The following RUFY3 variants were observed in gnomAD, a reference collection of about 807,000 sequenced individuals.
RUFY3 encodes the protein RUN and FYVE domain containing 3.
In RUFY3, 34 loss-of-function variants were observed where a neutral mutation model predicts 84.0. The ratio of observed to expected loss-of-function variants is 0.40; its 90% CI spans 0.31 to 0.54. RUFY3 has a LOEUF of 0.54. Ranked by LOEUF, RUFY3 falls within the 20% of genes least tolerant of loss-of-function variation. The pLI is 0.39. For missense variants in RUFY3, 507 were observed against 736.8 expected, an observed-to-expected ratio of 0.69 and a Z score of 3.61; for synonymous variants, 242 against 252.9, an observed-to-expected ratio of 0.96 and a Z score of 0.41.
intron 10 of RUFY3, among the ~76,000 whole-genome samples, chr4:70,788,455 T>C (rs906597188): frequency 2.0e-5 from 3 of 152,150 alleles, no homozygotes; most frequent in African/African-American, 7.2e-5. Flanking sequence ...TGCTGACTGC[T>C]GTAACCCTGT....
At chr4:70,750,074 C>T (rs1219552907) in intron 1 of RUFY3, among the ~76,000 whole-genome samples, 1 of 151,776 alleles carries the variant, frequency 6.6e-6, no homozygotes, top group Non-Finnish European at 1.5e-5. Flanking sequence ...GATCATAGCT[C>T]TCGTAGCTCT....
rs145386345 is a variant in RUFY3, at chr4:70,714,122, G to T, written c.358+8828G>T. On this transcript the variant is annotated intron_variant, in intron 1 of 11. Coordinates refer to the RUFY3 transcript ENST00000417478. The stretch of plus-strand genomic sequence containing the variant: ...AGAAGTAACTTGCCAAGGTTACTCA[G>T]CAGCTAGGTGGTGGACCTAGGATTC... Among the ~76,000 whole-genome samples the T allele has an allele frequency of 4.0e-3, 606 of 152,226 alleles. 4 individuals are homozygous for T. Among genetic ancestry groups the T allele is most frequent in the African/African-American group, 0.012 (502 of 41,540 alleles).
At chr4:70,796,934 T>C (rs1731591456) in intron 14 of RUFY3, among the ~76,000 whole-genome samples, 1 of 146,976 alleles carries the variant, frequency 6.8e-6, no homozygotes, top group Non-Finnish European at 1.5e-5. Flanking sequence ...CTTTTTTCTT[T>C]TCTTTTCTTT....
At chr4:70,793,686 C>G in intron 12 of RUFY3, 99 bp from the exon 13 acceptor site, 3 of 1,597,492 alleles carry the variant, frequency 1.9e-6, no homozygotes, top group Non-Finnish European at 2.6e-6. Context: ...TCTCTCTGTG[C>G]ATTCTTCCTT....
At chr4:70,707,739 T>G (rs576201264) in intron 1 of RUFY3, among the ~76,000 whole-genome samples, 42 of 151,768 alleles carry the variant, frequency 2.8e-4, no homozygotes, top group Non-Finnish European at 5.6e-4. Flanking sequence ...ATTACATGTT[T>G]TATTTAAATA....
chr4:70,784,339 C>T lies in RUFY3; in HGVS notation c.988-457C>T, dbSNP rs567471380. Among the ~76,000 whole-genome samples, 51 of 152,104 alleles carry T rather than the reference C, an allele frequency of 3.4e-4. No individual in the cohort carries two copies. The Middle Eastern group carries it at 0.01, about 31-fold the overall frequency. On this transcript the variant is annotated intron_variant, in intron 9 of 17. Transcript: ENST00000381006. ...CTCTACTAAAAATACAAAAATTAGC[C>T]GGGCGTGGTGGCGCACGCCTATAAT... is the stretch of plus-strand genomic sequence containing the variant.
chr4:70,722,316 A>C lies in RUFY3; in HGVS notation c.-258A>C. 1 of 1,235,182 alleles carries C rather than the reference A, an allele frequency of 8.1e-7. No individual in the cohort carries two copies. Among genetic ancestry groups the C allele is most frequent in the Non-Finnish European group, 1.0e-6 (1 of 990,350 alleles). The allele number at this position is 1,235,182 out of a possible 1,614,324, so 76.5% of individuals were successfully genotyped here. A position where few individuals can be genotyped will look rare whatever the true frequency, so the allele number is the denominator to read the frequency against. On this transcript the variant is annotated 5_prime_UTR_variant, in exon 1 of 18. Transcript: ENST00000381006. ...AAGGAGAGGAAGCTGGGAGAAGACA[A>C]GCATCATCTTATTTTGCTATGTGGT... is the stretch of plus-strand genomic sequence containing the variant.
chr4:70,755,299 A>G (rs1723819332), intron 1 of RUFY3, among the ~76,000 whole-genome samples: 1 of 152,226 alleles, frequency 6.6e-6, no homozygotes, highest in Non-Finnish European at 1.5e-5. Flanking sequence ...ATTCTGAAGA[A>G]TAACTATGAT....
chr4:70,717,900 T>G (rs1260608110), upstream of RUFY3, among the ~76,000 whole-genome samples: 3 of 132,974 alleles, frequency 2.3e-5, no homozygotes, highest in Non-Finnish European at 4.5e-5. Flanking sequence ...TTTTTTTTTT[T>G]GAGACAGAGT....
intron 16 of RUFY3, 73 bp from the exon 17 acceptor site, chr4:70,804,275 A>T (rs2148823614): frequency 8.1e-7 from 1 of 1,232,420 alleles, no homozygotes; most frequent in African/African-American, 1.5e-5. Context: ...TATTGTAGGT[A>T]AAAAATGCAT....
At chr4:70,798,828 C>T (rs539754606) in intron 14 of RUFY3, among the ~76,000 whole-genome samples, 6 of 151,012 alleles carry the variant, frequency 4.0e-5, no homozygotes, top group Non-Finnish European at 7.4e-5. Flanking sequence ...ACAAAATTTG[C>T]CCAGGCAGGG....
At chr4:70,806,483 T>G in intron 17 of RUFY3, 33 bp from the exon 18 acceptor site, 4 of 1,612,228 alleles carry the variant, frequency 2.5e-6, no homozygotes, top group Non-Finnish European at 3.4e-6. Context: ...CTTGCTCATC[T>G]TCTATTCCCC....
chr4:70,744,754 A>G (rs1721914235), intron 1 of RUFY3, among the ~76,000 whole-genome samples: 3 of 147,628 alleles, frequency 2.0e-5, no homozygotes. Flanking sequence ...TCCCAGATTG[A>G]AGCAATTCTC....
intron 1 of RUFY3, among the ~76,000 whole-genome samples, chr4:70,730,379 T>C (rs907677393): frequency 2.0e-5 from 3 of 152,070 alleles, no homozygotes; most frequent in African/African-American, 7.2e-5. Flanking sequence ...AAAAATGTAT[T>C]CTCTCATTTA....
At chr4:70,778,570 ATTCT>A in intron 8 of RUFY3, 132 bp downstream of exon 8, 2 of 233,678 alleles carry the variant, frequency 8.6e-6, no homozygotes, top group Non-Finnish European at 8.0e-6. Context: ...ATAACTTCTT[ATTCT>A]TTTTTTTTTT....
At chr4:70,759,262 T>C (rs185606210) in intron 1 of RUFY3, among the ~76,000 whole-genome samples, 263 of 152,314 alleles carry the variant, frequency 1.7e-3, no homozygotes, top group African/African-American at 4.0e-3. Flanking sequence ...GGTATTTATC[T>C]TTCTGTCCCA....
chr4:70,722,432 C>A lies in RUFY3; in HGVS notation c.-142C>A. 7 of 1,322,156 alleles carry A rather than the reference C, an allele frequency of 5.3e-6. No homozygotes were observed. The highest frequency in any genetic ancestry group is 6.8e-6 in the Non-Finnish European group (7 of 1,031,980). The allele number at this position is 1,322,156 out of a possible 1,614,324, so 81.9% of individuals were successfully genotyped here. A position where few individuals can be genotyped will look rare whatever the true frequency, so the allele number is the denominator to read the frequency against. On this transcript the variant is annotated 5_prime_UTR_variant, in exon 1 of 18. Coordinates refer to ENST00000381006, the MANE Select transcript of RUFY3 (RefSeq NM_001037442.4). ...ATTTTTCCTTTTTTTTTTTTTTAAA[C>A]CTCCCCCACCCTTTTCCTGAAAGCT...
At chr4:70,779,817 G>A (rs1268293259) in intron 8 of RUFY3, among the ~76,000 whole-genome samples, 2 of 151,996 alleles carry the variant, frequency 1.3e-5, no homozygotes, top group East Asian at 1.9e-4. Flanking sequence ...CAAGTGACCC[G>A]CCTGCCTCGG....
intron 1 of RUFY3, among the ~76,000 whole-genome samples, chr4:70,759,355 TTTGTGTGTGTGTGTGTATG>T (rs1724608307): frequency 1.8e-5 from 2 of 112,950 alleles, no homozygotes; most frequent in Non-Finnish European, 3.5e-5. Context: ...TATGGCTGAA[TTTGTGTGTGTGTGTGTATG>T]TGTGTGTGTG....
Sources: gnomAD v4.1 joint callset for allele counts (sites outside exome capture counted in the v4.1 genomes callset) on GRCh38, gnomAD v4.1.1 for gene constraint, MANE v1.5 for transcripts, NCBI Gene and HGNC (gene_info 2026-07-23, HGNC 2026-07-21) for gene names.